DPP6: variants seen among roughly 807,000 people sequenced by gnomAD.
DPP6 encodes dipeptidyl peptidase like 6.
Under a neutral mutation model 122.6 loss-of-function variants are expected in DPP6, and 69 were observed. The observed-to-expected ratio is 0.56, with a 90% confidence interval of 0.46 to 0.69. DPP6 has a LOEUF of 0.69. DPP6 is among the 30% of genes least tolerant of loss of function. The probability of loss-of-function intolerance (pLI) is 0.00; values close to 1 mark genes in which losing one functional copy is unlikely to be tolerated. For missense variants in DPP6, 928 were observed against 1,116.9 expected (o/e 0.83, Z 2.41); for synonymous variants, 418 against 433.1 (o/e 0.97, Z 0.43).
chr7:153,979,985 G>C (rs1230393222), intron 1 of DPP6, among the ~76,000 whole-genome samples: 2 of 152,150 alleles, frequency 1.3e-5, no homozygotes, highest in Non-Finnish European at 2.9e-5. Flanking sequence ...ATGTTCATCA[G>C]GGATATTGGC....
At chr7:154,093,657 T>TA (rs1165537823) in intron 1 of DPP6, 7 of 106,610 alleles carry the variant, frequency 6.6e-5, no homozygotes, top group African/African-American at 1.9e-4. Context: ...CACACACACA[T>TA]AAAAAAAAAC....
chr7:153,820,954 A>G, the DPP6 span, among the ~76,000 whole-genome samples: 1 of 144,228 alleles, frequency 6.9e-6, no homozygotes, highest in East Asian at 2.0e-4. Flanking sequence ...AGAGCTGTCC[A>G]CCACAGAACT....
chr7:154,486,717 C>A lies in DPP6; in HGVS notation c.457+11680C>A, dbSNP rs1441430897. On this transcript the variant is annotated intron_variant, in intron 3 of 25. Transcript: ENST00000377770. This position sits in a 1 kb window ranked among gnomAD's most constrained non-coding sequence, Gnocchi z 4.5. ...ACCACCTTGGGGATGCAGCCCACTT[C>A]GCAGAGGCTGGATGCACTTCCTCCG... 8.5e-5 allele frequency among the ~76,000 whole-genome samples: 13 copies of A among 152,194 alleles called. No homozygotes were observed. Among genetic ancestry groups the A allele is most frequent in the Non-Finnish European group, 1.9e-4 (13 of 68,028 alleles).
At chr7:154,553,716 C>A (rs1425089281) in intron 4 of DPP6, among the ~76,000 whole-genome samples, 1 of 152,076 alleles carries the variant, frequency 6.6e-6, no homozygotes, top group South Asian at 2.1e-4. Context: ...TAGCCTTGGT[C>A]GCTGCAGTTA....
Position 154,056,806 on chromosome 7 carries a change from A to G in DPP6, c.243+3743A>G, listed in dbSNP as rs542191754. Among the ~76,000 whole-genome samples, 282 of 152,322 alleles carry G rather than the reference A, an allele frequency of 1.9e-3. 1 individual carries two copies. The highest frequency in any genetic ancestry group is 0.016 in the South Asian group (75 of 4,830). On this transcript the variant is annotated intron_variant, in intron 1 of 25. Transcript: ENST00000377770. ...TTCTGTTAATGTGTCCTTGGGATCTATCAACTTTACGATTTCTTAACTAGC... is the reference window on the plus strand; with the variant it reads ...TTCTGTTAATGTGTCCTTGGGATCTGTCAACTTTACGATTTCTTAACTAGC...
At chr7:154,848,547 C>T (rs2150568091) in intron 16 of DPP6, among the ~76,000 whole-genome samples, 1 of 152,216 alleles carries the variant, frequency 6.6e-6, no homozygotes, top group Admixed American at 6.5e-5. Context: ...GAATTCCTTA[C>T]ATATTTTGGT....
intron 1 of DPP6, among the ~76,000 whole-genome samples, chr7:154,067,611 CTT>C (rs368862553): frequency 1.3e-5 from 2 of 152,048 alleles, no homozygotes; most frequent in African/African-American, 2.4e-5. Context: ...CCTCAGATGA[CTT>C]TTTTTAAGGT....
chr7:154,759,200 G>A (rs1243370567), intron 8 of DPP6, among the ~76,000 whole-genome samples: 1 of 152,160 alleles, frequency 6.6e-6, no homozygotes, highest in African/African-American at 2.4e-5. Context: ...GCAATTTCCC[G>A]CAGACTCTCC....
At chr7:154,757,750 G>C (rs1237683672) in intron 8 of DPP6, among the ~76,000 whole-genome samples, 1 of 152,154 alleles carries the variant, frequency 6.6e-6, no homozygotes, top group East Asian at 1.9e-4. Flanking sequence ...GAAAATCTCC[G>C]GCACACGGGA....
intron 1 of DPP6, among the ~76,000 whole-genome samples, chr7:154,018,732 A>C (rs1438323041): frequency 6.6e-6 from 1 of 152,264 alleles, no homozygotes; most frequent in Non-Finnish European, 1.5e-5. Context: ...ATTAAAAGCA[A>C]GGCTGAGCAC....
chr7:153,808,757 T>C, the DPP6 span, among the ~76,000 whole-genome samples: 1 of 152,102 alleles, frequency 6.6e-6, no homozygotes, highest in Non-Finnish European at 1.5e-5. Context: ...GAATAACATT[T>C]CATTTGATAG....
chr7:154,661,633 C>G (rs1489142302), intron 6 of DPP6, among the ~76,000 whole-genome samples: 3 of 147,952 alleles, frequency 2.0e-5, no homozygotes, highest in Non-Finnish European at 3.0e-5. Context: ...GGCGTATTGG[C>G]CGTAGTATTC....
chr7:154,638,645 A>ATGCC (rs57155440), intron 6 of DPP6, among the ~76,000 whole-genome samples: 19,159 of 152,160 alleles, frequency 0.13, 1,245 homozygotes, highest in African/African-American at 0.16. Context: ...CGACCCTCAG[A>ATGCC]TGCCTGATCA....
chr7:153,985,967 C>T (rs1270852190), intron 1 of DPP6, among the ~76,000 whole-genome samples: 1 of 152,196 alleles, frequency 6.6e-6, no homozygotes, highest in East Asian at 1.9e-4. Flanking sequence ...GACTTCTAGG[C>T]GTCTGAGTAA....
chr7:154,354,111 G>T (rs1811088595), intron 1 of DPP6, among the ~76,000 whole-genome samples: 1 of 152,156 alleles, frequency 6.6e-6, no homozygotes, highest in Admixed American at 6.5e-5. Flanking sequence ...AATCAGGAAA[G>T]CAGGAGGAAA....
intron 1 of DPP6, among the ~76,000 whole-genome samples, chr7:154,188,006 C>T (rs1254328792): frequency 6.6e-6 from 1 of 152,032 alleles, no homozygotes; most frequent in African/African-American, 2.4e-5. Context: ...TCTCTTCTGG[C>T]TCCAACATTC....
chr7:154,155,788 G>C (rs1585507914), intron 1 of DPP6, among the ~76,000 whole-genome samples: 1 of 152,190 alleles, frequency 6.6e-6, no homozygotes, highest in East Asian at 1.9e-4. Flanking sequence ...ACTGTTGCTG[G>C]GTTGTGTATA....
At chr7:154,852,145 A>C (rs987803108) in intron 16 of DPP6, among the ~76,000 whole-genome samples, 1 of 152,196 alleles carries the variant, frequency 6.6e-6, no homozygotes, top group Non-Finnish European at 1.5e-5. Context: ...AGCCCTCAGC[A>C]TGGTGGGATC....
chr7:154,082,177 C>A (rs949001318), intron 1 of DPP6, among the ~76,000 whole-genome samples: 2 of 152,158 alleles, frequency 1.3e-5, no homozygotes, highest in African/African-American at 4.8e-5. Flanking sequence ...TAGCATTTGG[C>A]CCTCGACCAT....
Sources: gnomAD v4.1 joint callset for allele counts (sites outside exome capture counted in the v4.1 genomes callset) on GRCh38, gnomAD v4.1.1 for gene constraint, Gnocchi (gnomAD v3.1) non-coding constraint, MANE v1.5 for transcripts, NCBI Gene and HGNC (gene_info 2026-07-23, HGNC 2026-07-21) for gene names.